The following MME variants were observed in gnomAD, a reference collection of about 807,000 sequenced individuals.
MME encodes membrane metalloendopeptidase.
In MME, 98 loss-of-function variants were observed where a neutral mutation model predicts 113.2. The ratio of observed to expected loss-of-function variants is 0.87; its 90% CI spans 0.74 to 1.02. MME has a LOEUF of 1.02. Ranked by LOEUF, MME falls within the 50% of genes least tolerant of loss-of-function variation. The pLI, the probability that MME is intolerant of heterozygous loss-of-function variation, is 0.00. For synonymous variants in MME, 292 were observed against 300.6 expected (o/e 0.97, Z 0.30); for missense variants, 836 against 896.0 (o/e 0.93, Z 0.86).
At chr3:155,179,472 AC>A (rs1712866057) in intron 22 of MME, among the ~76,000 whole-genome samples, 1 of 152,170 alleles carries the variant, frequency 6.6e-6, no homozygotes, top group Admixed American at 6.5e-5. Context: ...ACAGTAGTAC[AC>A]CTGCCACGTA....
At chr3:155,061,320 A>G (rs1048013180) in intron 1 of MME, among the ~76,000 whole-genome samples, 1 of 151,832 alleles carries the variant, frequency 6.6e-6, no homozygotes, top group Non-Finnish European at 1.5e-5. Context: ...GCGTGGTGGC[A>G]GGAGCCTGTA....
chr3:155,103,091 T>A (rs1717398564), intron 3 of MME, among the ~76,000 whole-genome samples: 2 of 152,066 alleles, frequency 1.3e-5, no homozygotes, highest in Non-Finnish European at 2.9e-5. Context: ...TCCCAGAGCA[T>A]CCTATACGCT....
At chr3:155,163,617 G>A (rs1309171757) in intron 17 of MME, among the ~76,000 whole-genome samples, 2 of 152,148 alleles carry the variant, frequency 1.3e-5, no homozygotes, top group African/African-American at 2.4e-5. Flanking sequence ...CGCAGTCAAG[G>A]AAATAATTTA....
intron 3 of MME, among the ~76,000 whole-genome samples, chr3:155,091,973 T>G (rs904089254): frequency 2.6e-5 from 4 of 152,096 alleles, no homozygotes; most frequent in Non-Finnish European, 5.9e-5. Flanking sequence ...CAATGGTATA[T>G]GTATATAAAG....
At chr3:155,047,253 T>G (rs1262942572) in intron 1 of MME, among the ~76,000 whole-genome samples, 4 of 152,248 alleles carry the variant, frequency 2.6e-5, no homozygotes. Flanking sequence ...TACTTTCCAT[T>G]GTTTTACCAC....
intron 1 of MME, among the ~76,000 whole-genome samples, chr3:155,068,354 A>G (rs895156219): frequency 2.0e-5 from 3 of 152,204 alleles, no homozygotes; most frequent in Non-Finnish European, 4.4e-5. Context: ...GGATAACTTT[A>G]TTATCTTGAT....
chr3:155,123,262 A>G (rs1454250404), intron 8 of MME, among the ~76,000 whole-genome samples: 1 of 37,392 alleles, frequency 2.7e-5, no homozygotes, highest in African/African-American at 1.0e-4. Flanking sequence ...TTTGTTTTCC[A>G]TTTGCTTGGT....
In MME at chr3:155,142,090, A is replaced by G; in HGVS notation, c.1057A>G (p.Thr353Ala). 2 of 1,613,832 alleles carry G rather than the reference A, an allele frequency of 1.2e-6. No individual in the cohort carries two copies. Among genetic ancestry groups the G allele is most frequent in the Non-Finnish European group, 1.7e-6 (2 of 1,179,818 alleles). ...DVVVYAPEYL[T>A]KLKPILTKYS... ...GGTTGTTTATGCTCCAGAATATTTAACCAAACTTAAGCCCATTCTTACCAA... is the reference window on the plus strand; with the variant it reads ...GGTTGTTTATGCTCCAGAATATTTAGCCAAACTTAAGCCCATTCTTACCAA... Residue 353 changes from threonine (T) to alanine (A), a missense_variant, in exon 11 of 23, where the codon ACC becomes GCC. Coordinates refer to ENST00000360490, the MANE Select transcript of MME (RefSeq NM_007289.4).
At chr3:155,173,420 T>G (rs974269308) in intron 22 of MME, among the ~76,000 whole-genome samples, 9 of 151,916 alleles carry the variant, frequency 5.9e-5, no homozygotes, top group African/African-American at 2.2e-4. Flanking sequence ...TTTCAAAAGC[T>G]CTACATAAAA....
intron 1 of MME, among the ~76,000 whole-genome samples, chr3:155,050,819 A>T (rs1414050909): frequency 6.6e-6 from 1 of 150,776 alleles, no homozygotes; most frequent in African/African-American, 2.5e-5. Context: ...TGCTGTGCAG[A>T]AGCTCTTTAG....
At chr3:155,055,416 G>A (rs146864605) in intron 1 of MME, among the ~76,000 whole-genome samples, 1,997 of 152,218 alleles carry the variant, frequency 0.013, 42 homozygotes, top group African/African-American at 0.045. Flanking sequence ...TGGTCAACAT[G>A]GTGAAACCCC....
intron 21 of MME, among the ~76,000 whole-genome samples, 159 bp downstream of exon 21, chr3:155,172,371 A>G (rs1252630877): frequency 6.6e-6 from 1 of 152,180 alleles, no homozygotes; most frequent in Non-Finnish European, 1.5e-5. Flanking sequence ...TTAATGATAA[A>G]TAACTATGTT....
At chr3:155,145,509 C>T (rs1418873737) in intron 14 of MME, among the ~76,000 whole-genome samples, 1 of 151,958 alleles carries the variant, frequency 6.6e-6, no homozygotes, top group African/African-American at 2.4e-5. Context: ...TGGTTGGGGG[C>T]AGGGGGGCAG....
chr3:155,105,595 A>T (rs1217218404), intron 3 of MME, among the ~76,000 whole-genome samples: 1 of 152,220 alleles, frequency 6.6e-6, no homozygotes, highest in Admixed American at 6.5e-5. Flanking sequence ...GCAGTTTCAC[A>T]TAGTATAAGA....
At chr3:155,110,180 C>G (rs1276132742) in intron 3 of MME, among the ~76,000 whole-genome samples, 2 of 152,192 alleles carry the variant, frequency 1.3e-5, no homozygotes, top group Non-Finnish European at 2.9e-5. Flanking sequence ...AAAGGAGGGC[C>G]CTGCAAGGTG....
chr3:155,156,475 G>A (rs1382356626), intron 16 of MME, among the ~76,000 whole-genome samples: 2 of 152,068 alleles, frequency 1.3e-5, no homozygotes, highest in African/African-American at 2.4e-5. Flanking sequence ...AGATTTGATT[G>A]GAAGGTGAGC....
chr3:155,112,939 C>T (rs1054688742), intron 3 of MME, among the ~76,000 whole-genome samples: 3 of 152,164 alleles, frequency 2.0e-5, no homozygotes, highest in Non-Finnish European at 4.4e-5. Context: ...CAATGAAAAA[C>T]TCAAAGTAGT....
At chr3:155,037,503 A>G (rs1157328724) in intron 1 of MME, among the ~76,000 whole-genome samples, 1 of 152,150 alleles carries the variant, frequency 6.6e-6, no homozygotes, top group African/African-American at 2.4e-5. Context: ...CCTGCTGAAG[A>G]CATCATTGTA....
At chr3:155,158,286 G>A (rs889678335) in intron 16 of MME, 6 of 151,972 alleles carry the variant, frequency 3.9e-5, no homozygotes, top group South Asian at 2.1e-4. Context: ...CCAGAAGTTC[G>A]CAATTGAGAA....
Sources: gnomAD v4.1 joint callset for allele counts (sites outside exome capture counted in the v4.1 genomes callset) on GRCh38, gnomAD v4.1.1 for gene constraint, MANE v1.5 for transcripts, NCBI Gene and HGNC (gene_info 2026-07-23, HGNC 2026-07-21) for gene names.